The following PSMA8 variants were observed in gnomAD, a reference collection of about 807,000 sequenced individuals.
The protein encoded by PSMA8 is proteasome 20S subunit alpha 8.
In PSMA8, 18 loss-of-function variants were observed where a neutral mutation model predicts 32.4. The ratio of observed to expected loss-of-function variants is 0.56; its 90% confidence interval spans 0.38 to 0.82. PSMA8 has a LOEUF of 0.82. Ranked by LOEUF, PSMA8 falls within the 40% of genes least tolerant of loss-of-function variation. PSMA8 has a pLI of 0.00. For synonymous variants in PSMA8, 104 were observed against 98.1 expected (o/e 1.06, Z -0.36); for missense variants, 298 against 300.7 (o/e 0.99, Z 0.07).
At chr18:26,155,620 G>GTC (rs1403852260) in intron 3 of PSMA8, among the ~76,000 whole-genome samples, 3 of 152,080 alleles carry the variant, frequency 2.0e-5, no homozygotes, top group East Asian at 1.9e-4. Context: ...TGAAACCTCT[G>GTC]TCTCTCTCTC....
intron 1 of PSMA8, among the ~76,000 whole-genome samples, chr18:26,141,774 A>G (rs960434995): frequency 7.1e-6 from 1 of 140,964 alleles, no homozygotes; most frequent in African/African-American, 2.7e-5. Flanking sequence ...ACTGCCTTGA[A>G]CTCCCAGGCT....
At chr18:26,155,609 A>G (rs543860390) in intron 3 of PSMA8, among the ~76,000 whole-genome samples, 1 of 152,358 alleles carries the variant, frequency 6.6e-6, no homozygotes, top group Admixed American at 6.5e-5. Context: ...AAAAAATGAA[A>G]TGAAACCTCT....
At chr18:26,143,544 A>T (rs193034433) in intron 1 of PSMA8, among the ~76,000 whole-genome samples, 2 of 152,332 alleles carry the variant, frequency 1.3e-5, no homozygotes, top group Non-Finnish European at 2.9e-5. Flanking sequence ...GTAAACAACG[A>T]GGTATGAAAG....
At chr18:26,150,361 G>A (rs1023248983) in intron 2 of PSMA8, among the ~76,000 whole-genome samples, 1 of 150,032 alleles carries the variant, frequency 6.7e-6, no homozygotes, top group East Asian at 1.9e-4. Flanking sequence ...TTCAGAGACA[G>A]GTTTTCACTT....
At position 26,191,960 on chromosome 18, in the gene PSMA8, C is replaced by T. The variant is rs188034723; in HGVS notation, c.661-359C>T. 4.6e-5 allele frequency among the ~76,000 whole-genome samples: 7 copies of T among 152,336 alleles called. 1 individual carries two copies. The highest frequency in any genetic ancestry group is 4.6e-4 in the Admixed American group (7 of 15,304). ...AAATTATTAAACCCTATCAGAGAAT[C>T]ACACAGTAGGGTGCAGTTGGGAGAG... On this transcript the variant is annotated intron_variant, in intron 6 of 6. Coordinates refer to ENST00000415576, the MANE Select transcript of PSMA8 (RefSeq NM_001025096.2).
At chr18:26,166,820 G>A (rs2055184207) in intron 4 of PSMA8, among the ~76,000 whole-genome samples, 1 of 152,124 alleles carries the variant, frequency 6.6e-6, no homozygotes, top group Non-Finnish European at 1.5e-5. Context: ...TGTTGCCAGT[G>A]ATAAAATTCA....
chr18:26,182,514 A>G (rs919415044), intron 6 of PSMA8, among the ~76,000 whole-genome samples: 9 of 152,232 alleles, frequency 5.9e-5, no homozygotes, highest in African/African-American at 1.9e-4. Flanking sequence ...TCAAAAAAAG[A>G]AGATTCCTTT....
At chr18:26,144,537 A>G (rs1321545778) in intron 1 of PSMA8, 22 bp from the exon 2 acceptor site, 3 of 1,598,280 alleles carry the variant, frequency 1.9e-6, no homozygotes, top group African/African-American at 2.7e-5. Context: ...CTGAATATAT[A>G]TGTATTTTAA....
At chr18:26,135,403 T>C (rs2054903792) in intron 1 of PSMA8, among the ~76,000 whole-genome samples, 1 of 152,146 alleles carries the variant, frequency 6.6e-6, no homozygotes, top group South Asian at 2.1e-4. Context: ...TGACTTTCTT[T>C]GTTAAAGAAG....
At position 26,151,984 on chromosome 18, in the gene PSMA8, T is replaced by C. The variant is rs763723898; in HGVS notation, c.354+2T>C. On this transcript the variant is annotated splice_donor_variant, in intron 3 of 6. Coordinates refer to ENST00000415576, the MANE Select transcript of PSMA8 (RefSeq NM_001025096.2). LOFTEE classifies it high-confidence loss of function. ...CGCTTCATAGCAACTTTAAAGCAGG[T>C]AAGCTAATATTCTAACATACTTTGT... The C allele has an allele frequency of 2.6e-5, 41 of 1,593,496 alleles. No homozygotes were observed. Among genetic ancestry groups the C allele is most frequent in the African/African-American group, 4.1e-5 (3 of 73,868 alleles).
chr18:26,135,816 T>TA (rs1188916392), intron 1 of PSMA8, among the ~76,000 whole-genome samples: 2 of 152,192 alleles, frequency 1.3e-5, no homozygotes, highest in Non-Finnish European at 2.9e-5. Flanking sequence ...GGTAAGGATA[T>TA]AAAAATACCT....
intron 1 of PSMA8, chr18:26,140,214 G>A (rs957931883): frequency 6.5e-5 from 45 of 693,966 alleles, no homozygotes; most frequent in Admixed American, 2.2e-4. Context: ...GCAGGCTGGC[G>A]TGATGCCTAG....
chr18:26,139,985 T>C, intron 1 of PSMA8: 1 of 697,084 alleles, frequency 1.4e-6, no homozygotes, highest in Non-Finnish European at 2.6e-6. Flanking sequence ...AGATTGTTAC[T>C]TTTTAATTCT....
rs184011607 is a variant in PSMA8 at position 26,164,796 on chromosome 18, G to A, written c.477+6552G>A. 4.3e-3 allele frequency among the ~76,000 whole-genome samples: 647 copies of A among 152,194 alleles called. 6 individuals carry two copies. Among genetic ancestry groups the A allele is most frequent in the African/African-American group, 0.015 (610 of 41,514 alleles). Reference sequence around the variant, plus strand: ...AAATATGGATTGTATATTAGATAATGTTGTGTCTGTTTTAAATTTTCGGGA... The same window carrying A: ...AAATATGGATTGTATATTAGATAATATTGTGTCTGTTTTAAATTTTCGGGA... On this transcript the variant is annotated intron_variant, in intron 4 of 6. Coordinates refer to ENST00000415576, the MANE Select transcript of PSMA8 (RefSeq NM_001025096.2).
chr18:26,148,384 A>G (rs2055020153), intron 2 of PSMA8, among the ~76,000 whole-genome samples: 2 of 152,088 alleles, frequency 1.3e-5, no homozygotes, highest in South Asian at 4.1e-4. Flanking sequence ...TCAATGTAAT[A>G]TACCACATTA....
intron 6 of PSMA8, among the ~76,000 whole-genome samples, chr18:26,189,429 A>G (rs1298597683): frequency 6.6e-6 from 1 of 152,106 alleles, no homozygotes; most frequent in Non-Finnish European, 1.5e-5. Context: ...GCTACTTGGG[A>G]AGCTGAGGTG....
chr18:26,138,751 G>A (rs1240678569), intron 1 of PSMA8, among the ~76,000 whole-genome samples: 1 of 152,140 alleles, frequency 6.6e-6, no homozygotes, highest in Non-Finnish European at 1.5e-5. Flanking sequence ...TAGACTTGGG[G>A]GGAAAGTAAA....
intron 1 of PSMA8, among the ~76,000 whole-genome samples, chr18:26,141,017 C>T (rs1233765360): frequency 6.6e-6 from 1 of 152,018 alleles, no homozygotes; most frequent in Non-Finnish European, 1.5e-5. Context: ...GTTACTTTTC[C>T]ACACTTGTAT....
chr18:26,185,576 T>A lies in PSMA8; in HGVS notation c.660+6446T>A, dbSNP rs968044757. 4.6e-5 allele frequency among the ~76,000 whole-genome samples: 7 copies of A among 150,830 alleles called. 1 individual carries two copies. Among genetic ancestry groups the A allele is most frequent in the African/African-American group, 1.7e-4 (7 of 40,870 alleles). On this transcript the variant is annotated intron_variant, in intron 6 of 6. Coordinates refer to ENST00000415576, the MANE Select transcript of PSMA8 (RefSeq NM_001025096.2). ...CAATCTGATTGGAAGACTGAAGACATCCTTAGAACAGTCTCTAGAAGATTC... is the reference window on the plus strand; with the variant it reads ...CAATCTGATTGGAAGACTGAAGACAACCTTAGAACAGTCTCTAGAAGATTC...
Sources: gnomAD v4.1 joint callset for allele counts (sites outside exome capture counted in the v4.1 genomes callset) on GRCh38, gnomAD v4.1.1 for gene constraint, MANE v1.5 for transcripts, NCBI Gene and HGNC (gene_info 2026-07-23, HGNC 2026-07-21) for gene names.